Variants in ADH1C observed in about 807,000 individuals in gnomAD.
ADH1C encodes the protein alcohol dehydrogenase 1C (class I), gamma polypeptide, also known as alcohol dehydrogenase 1C.
Under a neutral mutation model 35.0 loss-of-function variants are expected in ADH1C, and 26 were observed. The ratio of observed to expected loss-of-function variants is 0.74; its 90% confidence interval spans 0.54 to 1.03. The LOEUF is 1.03. Among genes scored for constraint, ADH1C ranks in the 50% least tolerant of loss-of-function variants. The pLI is 0.00. For synonymous variants in ADH1C, 170 were observed against 169.3 expected (o/e 1.00, Z -0.03); for missense variants, 413 against 465.4 (o/e 0.89, Z 1.04).
chr4:99,347,856 C>T lies in ADH1C; in HGVS notation c.19-10G>A. 1 of 1,613,292 alleles carries T rather than the reference C, an allele frequency of 6.2e-7. No individual in the cohort carries two copies. The highest frequency in any genetic ancestry group is 1.7e-5 in the Admixed American group (1 of 59,950). Reference sequence around the variant, plus strand: ...CTTTGCATTTGATTACCTAGAACATCAGACAGAGAGATGGTACCAGTGTTT... The same window carrying T: ...CTTTGCATTTGATTACCTAGAACATTAGACAGAGAGATGGTACCAGTGTTT... On this transcript the variant is annotated splice_polypyrimidine_tract_variant and intron_variant, in intron 1 of 8. Coordinates refer to ENST00000515683, the MANE Select transcript of ADH1C (RefSeq NM_000669.5).
At position 99,336,791 on chromosome 4, in the gene ADH1C, A is replaced by G. The variant is rs1307411148; in HGVS notation, c.1104-15T>C. On this transcript the variant is annotated splice_polypyrimidine_tract_variant and intron_variant, in intron 8 of 8. Transcript: ENST00000515683. ...CGGTACGGATACTGCAATAGGAAAG[A>G]AGAGACATTGTGTTAACATTTAGAC... 1 of 1,613,656 alleles carries G rather than the reference A, an allele frequency of 6.2e-7. No homozygotes were observed. The highest frequency in any genetic ancestry group is 2.2e-5 in the East Asian group (1 of 44,860).
intron 1 of ADH1C, among the ~76,000 whole-genome samples, chr4:99,350,024 A>T (rs1423339714): frequency 6.6e-6 from 1 of 152,232 alleles, no homozygotes; most frequent in Non-Finnish European, 1.5e-5. Context: ...CAGAATCAAC[A>T]TAATTGCAAA....
chr4:99,345,819 G>A (rs1734518632), intron 3 of ADH1C, among the ~76,000 whole-genome samples: 1 of 151,962 alleles, frequency 6.6e-6, no homozygotes, highest in South Asian at 2.1e-4. Flanking sequence ...TCTTTTTTGA[G>A]GAAAACTAAC....
chr4:99,346,248 C>T (rs1189170336), intron 3 of ADH1C, among the ~76,000 whole-genome samples: 1 of 151,812 alleles, frequency 6.6e-6, no homozygotes, highest in African/African-American at 2.4e-5. Flanking sequence ...CATATGAAAA[C>T]GATGGTATGG....
At chr4:99,339,789 A>G in intron 7 of ADH1C, 74 bp from the exon 8 acceptor site, 3 of 1,462,576 alleles carry the variant, frequency 2.1e-6, no homozygotes, top group Non-Finnish European at 2.8e-6. Context: ...TTTTCCAAAT[A>G]AATGAAAGTT....
chr4:99,337,570 G>A (rs933926969), intron 8 of ADH1C, among the ~76,000 whole-genome samples: 3 of 151,824 alleles, frequency 2.0e-5, no homozygotes, highest in African/African-American at 2.4e-5. Context: ...AGATATTTGC[G>A]ACTGAGAATT....
At chr4:99,348,118 T>TTTTA (rs1448209254) in intron 1 of ADH1C, among the ~76,000 whole-genome samples, 7 of 151,498 alleles carry the variant, frequency 4.6e-5, no homozygotes, top group Non-Finnish European at 1.0e-4. Flanking sequence ...TTTTATTTTA[T>TTTTA]TTTTTTTGAA....
intron 2 of ADH1C, among the ~76,000 whole-genome samples, chr4:99,347,483 G>T (rs1049249523): frequency 1.3e-5 from 2 of 152,108 alleles, no homozygotes; most frequent in African/African-American, 4.8e-5. Context: ...AATTGATTGT[G>T]AACTCTTGAT....
At chr4:99,352,560 GAATTTTA>G (rs1181781559) in intron 1 of ADH1C, 91 bp downstream of exon 1, 1 of 1,006,306 alleles carries the variant, frequency 9.9e-7, no homozygotes, top group Non-Finnish European at 1.4e-6. Flanking sequence ...ATTTAGATAT[GAATTTTA>G]AATTTTAAAT....
intron 1 of ADH1C, among the ~76,000 whole-genome samples, chr4:99,351,360 G>A (rs1259204093): frequency 6.6e-6 from 1 of 152,054 alleles, no homozygotes; most frequent in Non-Finnish European, 1.5e-5. Context: ...TTAGGATTGA[G>A]GAAAATAAAA....
intron 7 of ADH1C, among the ~76,000 whole-genome samples, chr4:99,340,151 G>A (rs1734378362): frequency 6.6e-6 from 1 of 152,248 alleles, no homozygotes. Context: ...GATGGCTCAT[G>A]CCTGTAATCC....
At chr4:99,348,424 G>T (rs1163516741) in intron 1 of ADH1C, among the ~76,000 whole-genome samples, 1 of 151,720 alleles carries the variant, frequency 6.6e-6, no homozygotes, top group South Asian at 2.1e-4. Context: ...ATGATTTCCA[G>T]CTTCATCCAT....
chr4:99,351,647 G>A (rs750026409), intron 1 of ADH1C, among the ~76,000 whole-genome samples: 17 of 152,084 alleles, frequency 1.1e-4, no homozygotes, highest in Non-Finnish European at 2.4e-4. Context: ...AGTACCAATG[G>A]GCCACTCATG....
intron 1 of ADH1C, 141 bp downstream of exon 1, chr4:99,352,517 T>C (rs1263168804): frequency 3.4e-6 from 2 of 594,214 alleles, no homozygotes; most frequent in Non-Finnish European, 5.5e-6. Context: ...TCATTTCTAA[T>C]TTAGATATGA....
Position 99,339,590 on chromosome 4 carries a change from G to A in ADH1C, c.1090C>T (p.Arg364Cys), listed in dbSNP as rs569012082. The A allele has an allele frequency of 1.3e-6, 2 of 1,586,118 alleles. No individual in the cohort carries two copies. The highest frequency in any genetic ancestry group is 1.4e-5 in the African/African-American group (1 of 72,910). ...CTTAAAATCTACCTCTTTCCAGAGC[G>A]AAGCAGGTCAAATCCTTCATTTATT... ...EKINEGFDLL[R>C]SGKSIRTVLT... The change falls in exon 8 of 9, where the codon CGC becomes TGC. Residue 364 changes from arginine (R) to cysteine (C), a missense_variant. By Grantham distance (180) the Arg-to-Cys change is radical (BLOSUM62 -3). Transcript: ENST00000515683.
At chr4:99,342,743 G>A in intron 6 of ADH1C, 52 bp downstream of exon 6, 11 of 1,611,464 alleles carry the variant, frequency 6.8e-6, no homozygotes, top group Non-Finnish European at 8.5e-6. Flanking sequence ...CTGCCTAAAT[G>A]CATCCTCCAG....
rs1334509876 is a variant in ADH1C, at chr4:99,338,393, T to TTTTATATA, written c.1103+1183_1103+1184insTATATAAA. 3.9e-3 allele frequency among the ~76,000 whole-genome samples: 285 copies of TTTTATATA among 73,072 alleles called. 17 individuals carry two copies. The highest frequency in any genetic ancestry group is 8.1e-3 in the South Asian group (12 of 1,480). The allele number at this position is 73,072 out of a possible 152,430, so 47.9% of individuals were successfully genotyped here. ...TAATTAACCTTTGATGAATACTGTT[T>TTTTATATA]TCTATATATATATATATATATATAT... On this transcript the variant is annotated intron_variant, in intron 8 of 8. Transcript: ENST00000515683.
intron 6 of ADH1C, among the ~76,000 whole-genome samples, chr4:99,341,667 A>G (rs1326199799): frequency 6.6e-6 from 1 of 152,190 alleles, no homozygotes; most frequent in African/African-American, 2.4e-5. Flanking sequence ...AGAAAACCTC[A>G]GCAATGGAAA....
rs746897151 is a variant in ADH1C, at chr4:99,352,646, T to C, written c.18+12A>G. ...AGAATATATTATCAACAGTAATATA[T>C]TTTTTGCTTACTTTTCCTGCTGTGC... On this transcript the variant is annotated intron_variant, in intron 1 of 8. Coordinates refer to ENST00000515683, the MANE Select transcript of ADH1C (RefSeq NM_000669.5). The C allele has an allele frequency of 2.2e-5, 35 of 1,604,848 alleles. No homozygotes were observed. The highest frequency in any genetic ancestry group is 2.9e-5 in the Non-Finnish European group (34 of 1,171,932).
Sources: gnomAD v4.1 joint callset for allele counts (sites outside exome capture counted in the v4.1 genomes callset) on GRCh38, gnomAD v4.1.1 for gene constraint, MANE v1.5 for transcripts, NCBI Gene and HGNC (gene_info 2026-07-23, HGNC 2026-07-21) for gene names.